FNBP1L: variants seen among roughly 807,000 people sequenced by gnomAD.
FNBP1L encodes the protein formin binding protein 1 like.
In FNBP1L, 36 loss-of-function variants were observed where a neutral mutation model predicts 91.2. The observed-to-expected ratio is 0.39, with a 90% CI of 0.30 to 0.52. FNBP1L has a LOEUF of 0.52. FNBP1L is among the 20% of genes least tolerant of loss of function. The probability of loss-of-function intolerance (pLI) is 0.66; values close to 1 mark genes in which losing one functional copy is unlikely to be tolerated. For missense variants in FNBP1L, 571 were observed against 732.1 expected, an observed-to-expected ratio of 0.78 and a Z score of 2.54; for synonymous variants, 242 against 237.0, an observed-to-expected ratio of 1.02 and a Z score of -0.19.
At chr1:93,539,472 A>G (rs1427910601) in intron 10 of FNBP1L, among the ~76,000 whole-genome samples, 1 of 151,976 alleles carries the variant, frequency 6.6e-6, no homozygotes, top group Non-Finnish European at 1.5e-5. Context: ...CTAATTATCA[A>G]ATTTCCAATT....
intron 10 of FNBP1L, 129 bp from the exon 11 acceptor site, chr1:93,540,913 T>C: frequency 1.5e-6 from 1 of 674,780 alleles, no homozygotes; most frequent in Middle Eastern, 4.0e-4. Flanking sequence ...TCTGGCATAA[T>C]TGTTTGGATT....
intron 1 of FNBP1L, among the ~76,000 whole-genome samples, chr1:93,491,404 C>T (rs1302167106): frequency 6.7e-6 from 1 of 149,282 alleles, no homozygotes; most frequent in African/African-American, 2.5e-5. Context: ...TTTCCCACCC[C>T]AAAGAGACAG....
At position 93,460,689 on chromosome 1, in the gene FNBP1L, A is replaced by G. The variant is rs1442581136; in HGVS notation, c.24+12384A>G. On this transcript the variant is annotated intron_variant, in intron 1 of 16. Coordinates refer to ENST00000271234, the MANE Select transcript of FNBP1L (RefSeq NM_001164473.3). ...GAAATAAGCCAGGTACAGAAAGACA[A>G]ATATCACATAATCTCACTTACATGT... is the stretch of plus-strand genomic sequence containing the variant. Among the ~76,000 whole-genome samples, 5 of 152,362 alleles carry G rather than the reference A, an allele frequency of 3.3e-5. No homozygotes were observed. In the East Asian group the frequency reaches 5.8e-4, roughly 18 times the overall value.
At chr1:93,539,093 T>G (rs961076863) in intron 10 of FNBP1L, among the ~76,000 whole-genome samples, 1 of 152,078 alleles carries the variant, frequency 6.6e-6, no homozygotes, top group African/African-American at 2.4e-5. Context: ...TACTTTGAGT[T>G]TTATTGGATA....
At chr1:93,490,176 A>T (rs1670047691) in intron 1 of FNBP1L, among the ~76,000 whole-genome samples, 1 of 152,122 alleles carries the variant, frequency 6.6e-6, no homozygotes, top group African/African-American at 2.4e-5. Context: ...AGTTTTTTTT[A>T]AATTAAATTA....
intron 12 of FNBP1L, among the ~76,000 whole-genome samples, chr1:93,546,301 A>T (rs1672233208): frequency 6.6e-6 from 1 of 152,100 alleles, no homozygotes; most frequent in African/African-American, 2.4e-5. Context: ...AGAGTCAAGG[A>T]CAGCTAATTG....
chr1:93,486,304 A>G (rs562983342), intron 1 of FNBP1L, among the ~76,000 whole-genome samples: 1 of 152,216 alleles, frequency 6.6e-6, no homozygotes, highest in Non-Finnish European at 1.5e-5. Context: ...TTGGAATTAA[A>G]AAAAATCAGA....
At chr1:93,511,834 C>T (rs1454618278) in intron 2 of FNBP1L, among the ~76,000 whole-genome samples, 241 of 149,974 alleles carry the variant, frequency 1.6e-3, no homozygotes, top group African/African-American at 5.6e-3. Flanking sequence ...GGCGTAGTGG[C>T]GGGCGCCTGT....
chr1:93,549,710 A>G (rs1361181990), intron 15 of FNBP1L, among the ~76,000 whole-genome samples: 4 of 152,240 alleles, frequency 2.6e-5, no homozygotes, highest in African/African-American at 9.6e-5. Context: ...CAGAGTCCTT[A>G]CTGTGCACAT....
At chr1:93,530,385 T>G (rs1246517573) in intron 6 of FNBP1L, among the ~76,000 whole-genome samples, 2 of 152,128 alleles carry the variant, frequency 1.3e-5, no homozygotes, top group Non-Finnish European at 2.9e-5. Context: ...AAGCTACCTG[T>G]TTTTCTCTTC....
chr1:93,527,748 G>T (rs562487561), intron 5 of FNBP1L, among the ~76,000 whole-genome samples: 6 of 152,084 alleles, frequency 3.9e-5, no homozygotes, highest in Middle Eastern at 6.8e-3. Context: ...AGGATCCCAG[G>T]ATATTTAAAG....
At chr1:93,545,862 A>AG (rs1468719591) in intron 12 of FNBP1L, among the ~76,000 whole-genome samples, 1 of 152,088 alleles carries the variant, frequency 6.6e-6, no homozygotes. Flanking sequence ...AAAAAAAAAA[A>AG]AAAGATTTGT....
chr1:93,549,139 G>GA (rs898541007), intron 14 of FNBP1L, 139 bp from the exon 15 acceptor site: 4 of 588,360 alleles, frequency 6.8e-6, no homozygotes, highest in African/African-American at 5.7e-5. Flanking sequence ...CTTGACATTT[G>GA]AAAAAAATAG....
intron 2 of FNBP1L, among the ~76,000 whole-genome samples, chr1:93,521,011 C>T (rs1293889947): frequency 6.6e-6 from 1 of 152,016 alleles, no homozygotes; most frequent in Non-Finnish European, 1.5e-5. Flanking sequence ...CACTGCACTC[C>T]AGCCTGGGCG....
At chr1:93,502,162 A>C (rs1019656856) in intron 2 of FNBP1L, among the ~76,000 whole-genome samples, 10 of 152,188 alleles carry the variant, frequency 6.6e-5, no homozygotes, top group African/African-American at 2.4e-4. Context: ...TTACATATAA[A>C]ATTTGTATGT....
Position 93,506,408 on chromosome 1 carries a change from T to TA in FNBP1L, c.140+6826dup, listed in dbSNP as rs545289115. Among the ~76,000 whole-genome samples the TA allele has an allele frequency of 1.1e-3, 170 of 152,296 alleles. No homozygotes were observed. The Middle Eastern group carries it at 0.017, about 15-fold the overall frequency. ...CAAAGCTGTGTCAGATCCAAAGTCT[T>TA]ACAACTTTCAGAAAGGGATCTCGTT... On this transcript the variant is annotated intron_variant, in intron 2 of 16. Transcript: ENST00000271234.
At chr1:93,448,502 C>T (rs573781611) in intron 1 of FNBP1L, among the ~76,000 whole-genome samples, 197 bp downstream of exon 1, 3 of 152,182 alleles carry the variant, frequency 2.0e-5, no homozygotes, top group Non-Finnish European at 4.4e-5. Context: ...GGCCGCTAGT[C>T]CGTGCTCCCG....
At chr1:93,512,098 C>G (rs1021238478) in intron 2 of FNBP1L, among the ~76,000 whole-genome samples, 3 of 150,584 alleles carry the variant, frequency 2.0e-5, no homozygotes, top group Admixed American at 2.0e-4. Flanking sequence ...AAATGGAAAA[C>G]AACAAAAGGC....
At chr1:93,485,168 A>G (rs935427886) in intron 1 of FNBP1L, among the ~76,000 whole-genome samples, 2 of 150,470 alleles carry the variant, frequency 1.3e-5, no homozygotes, top group African/African-American at 4.9e-5. Flanking sequence ...AAAAAAAAAA[A>G]GGAAAGAAAG....
Sources: gnomAD v4.1 joint callset for allele counts (sites outside exome capture counted in the v4.1 genomes callset) on GRCh38, gnomAD v4.1.1 for gene constraint, MANE v1.5 for transcripts, NCBI Gene and HGNC (gene_info 2026-07-23, HGNC 2026-07-21) for gene names.